Variants in MCC observed in about 807,000 individuals in gnomAD.
The protein encoded by MCC is MCC regulator of Wnt signaling pathway.
MCC carries 90 observed loss-of-function variants against 116.2 expected under a neutral mutation model. That is an observed-to-expected ratio of 0.77 (90% CI 0.65 to 0.92). MCC has a LOEUF of 0.92. Among genes scored for constraint, MCC ranks in the 40% least tolerant of loss-of-function variants. The pLI is 0.00. For missense variants in MCC, 1,516 were observed against 1,312.2 expected (o/e 1.16, Z -2.40); for synonymous variants, 578 against 510.5 (o/e 1.13, Z -1.78).
intron 8 of MCC, among the ~76,000 whole-genome samples, chr5:113,093,522 G>A (rs949460699): frequency 6.6e-6 from 1 of 151,954 alleles, no homozygotes; most frequent in African/African-American, 2.4e-5. Context: ...AATGATGCAA[G>A]CCAGGAGCAT....
intron 3 of MCC, among the ~76,000 whole-genome samples, chr5:113,198,879 G>A (rs1762551831): frequency 6.6e-6 from 1 of 152,070 alleles, no homozygotes; most frequent in African/African-American, 2.4e-5. Flanking sequence ...TTGGGGGTGG[G>A]CTCACAAGGG....
chr5:113,349,406 C>G (rs1281665250), intron 2 of MCC, among the ~76,000 whole-genome samples: 15 of 151,946 alleles, frequency 9.9e-5, no homozygotes, highest in Admixed American at 9.8e-4. Context: ...ACAAATCAAT[C>G]AATGTGATAC....
chr5:113,307,037 A>G (rs1412638406), intron 3 of MCC, among the ~76,000 whole-genome samples: 3 of 152,162 alleles, frequency 2.0e-5, no homozygotes, highest in African/African-American at 7.2e-5. Flanking sequence ...TGCTAATACT[A>G]CACATCTTGG....
At chr5:113,469,161 G>GT (rs1332619457) in intron 1 of MCC, among the ~76,000 whole-genome samples, 2 of 152,056 alleles carry the variant, frequency 1.3e-5, no homozygotes, top group African/African-American at 2.4e-5. Flanking sequence ...TTTTTGAAGG[G>GT]TTTTTTGTGT....
intron 3 of MCC, among the ~76,000 whole-genome samples, chr5:113,284,195 CA>C (rs1388824536): frequency 6.6e-6 from 1 of 152,146 alleles, no homozygotes; most frequent in African/African-American, 2.4e-5. Flanking sequence ...ACAGAAAATA[CA>C]AAAAGTAGCC....
chr5:113,486,743 T>A (rs1460129140), intron 1 of MCC, among the ~76,000 whole-genome samples: 1 of 151,582 alleles, frequency 6.6e-6, no homozygotes, highest in Non-Finnish European at 1.5e-5. Context: ...CTCGGGAAGC[T>A]GAGGCAGGAG....
chr5:113,473,718 G>A (rs369988193), intron 1 of MCC, among the ~76,000 whole-genome samples: 1 of 152,078 alleles, frequency 6.6e-6, no homozygotes, highest in African/African-American at 2.4e-5. Flanking sequence ...TACTATTACT[G>A]CATGGAATTA....
At chr5:113,422,010 T>A (rs760130019) in intron 1 of MCC, among the ~76,000 whole-genome samples, 1 of 152,196 alleles carries the variant, frequency 6.6e-6, no homozygotes, top group Non-Finnish European at 1.5e-5. Context: ...ACTGAGGTAT[T>A]TGAAGGCCAG....
At chr5:113,191,230 T>A (rs951155978) in intron 3 of MCC, among the ~76,000 whole-genome samples, 1 of 152,204 alleles carries the variant, frequency 6.6e-6, no homozygotes, top group Non-Finnish European at 1.5e-5. Context: ...GTCTCCCCCA[T>A]CTGCCTCCGC....
intron 2 of MCC, among the ~76,000 whole-genome samples, chr5:113,362,559 T>C (rs2150385814): frequency 6.6e-6 from 1 of 152,274 alleles, no homozygotes; most frequent in Non-Finnish European, 1.5e-5. Context: ...TTCTAGTAGT[T>C]AACAAGAAAC....
chr5:113,364,238 G>GAAAACAAA (rs1768625901), intron 2 of MCC, among the ~76,000 whole-genome samples: 1 of 49,422 alleles, frequency 2.0e-5, no homozygotes, highest in African/African-American at 7.5e-5. Context: ...CTCAAAAACA[G>GAAAACAAA]AAAAAAAAAA....
At chr5:113,191,147 A>C (rs1030198860) in intron 3 of MCC, among the ~76,000 whole-genome samples, 1 of 152,230 alleles carries the variant, frequency 6.6e-6, no homozygotes, top group Non-Finnish European at 1.5e-5. Flanking sequence ...ATCACCGAGC[A>C]GAAGGTAGGA....
At chr5:113,181,324 G>A (rs1284136605) in intron 3 of MCC, among the ~76,000 whole-genome samples, 1 of 152,174 alleles carries the variant, frequency 6.6e-6, no homozygotes, top group Non-Finnish European at 1.5e-5. Context: ...GTACTGATTA[G>A]AATTTAGAAA....
chr5:113,391,367 A>G (rs1428038700), intron 1 of MCC, among the ~76,000 whole-genome samples: 1 of 152,188 alleles, frequency 6.6e-6, no homozygotes, highest in Middle Eastern at 3.2e-3. Context: ...GTGGGGCTGA[A>G]AACAGTGGCT....
rs1755898120 is a variant in MCC at position 113,094,702 on chromosome 5, G to T, written c.1398+7037C>A. The stretch of plus-strand genomic sequence containing the variant: ...CCCAAAGTGCTGGGATTACAGGCAT[G>T]AGCCACCGCTCCCGGCCAATGTTCC... On this transcript the variant is annotated intron_variant, in intron 8 of 18. Coordinates refer to ENST00000408903, the MANE Select transcript of MCC (RefSeq NM_001085377.2). Among the ~76,000 whole-genome samples, 3 of 152,178 alleles carry T rather than the reference G, an allele frequency of 2.0e-5. No homozygotes were observed. In the South Asian group the frequency reaches 6.2e-4, roughly 31 times the overall value.
chr5:113,102,704 T>C (rs752576357), intron 7 of MCC, among the ~76,000 whole-genome samples: 18 of 152,260 alleles, frequency 1.2e-4, no homozygotes, highest in Non-Finnish European at 2.4e-4. Flanking sequence ...CTGCTTACTC[T>C]TATAAACTGT....
At chr5:113,198,041 G>A (rs556576073) in intron 3 of MCC, among the ~76,000 whole-genome samples, 2 of 152,364 alleles carry the variant, frequency 1.3e-5, no homozygotes, top group East Asian at 3.9e-4. Context: ...CAGCCACGCT[G>A]TGAGCCTATA....
intron 3 of MCC, among the ~76,000 whole-genome samples, chr5:113,273,547 AC>A (rs1218809068): frequency 6.6e-6 from 1 of 152,194 alleles, no homozygotes; most frequent in Non-Finnish European, 1.5e-5. Flanking sequence ...CACTGAACAT[AC>A]ATACAAACTT....
chr5:113,389,431 CT>C (rs1769352694), intron 1 of MCC, among the ~76,000 whole-genome samples: 1 of 152,110 alleles, frequency 6.6e-6, no homozygotes, highest in African/African-American at 2.4e-5. Context: ...CTAAAGACAC[CT>C]TCTAGCTTCC....
Sources: gnomAD v4.1 joint callset for allele counts (sites outside exome capture counted in the v4.1 genomes callset) on GRCh38, gnomAD v4.1.1 for gene constraint, MANE v1.5 for transcripts, NCBI Gene and HGNC (gene_info 2026-07-23, HGNC 2026-07-21) for gene names.